The following LRMDA variants were observed in gnomAD, a reference collection of about 807,000 sequenced individuals.
LRMDA encodes the protein leucine rich melanocyte differentiation associated, also known as leucine-rich melanocyte differentiation-associated protein.
LRMDA carries 18 observed loss-of-function variants against 29.8 expected under a neutral mutation model. The observed-to-expected ratio is 0.60, with a 90% confidence interval of 0.42 to 0.90. The LOEUF is 0.90. Ranked by LOEUF, LRMDA falls within the 40% of genes least tolerant of loss-of-function variation. The probability of loss-of-function intolerance (pLI) is 0.00; values close to 1 mark genes in which losing one functional copy is unlikely to be tolerated. For missense variants in LRMDA, 273 were observed against 273.9 expected, an observed-to-expected ratio of 1.00 and a Z score of 0.02; for synonymous variants, 125 against 109.4, an observed-to-expected ratio of 1.14 and a Z score of -0.89.
chr10:75,609,238 A>G (rs552019548), intron 2 of LRMDA, among the ~76,000 whole-genome samples: 6 of 152,290 alleles, frequency 3.9e-5, no homozygotes, highest in African/African-American at 1.4e-4. Flanking sequence ...CTTGGTATGA[A>G]GCTTTGAGGC....
intron 6 of LRMDA, among the ~76,000 whole-genome samples, chr10:76,531,374 G>C (rs939970819): frequency 2.6e-5 from 4 of 152,124 alleles, no homozygotes; most frequent in Non-Finnish European, 5.9e-5. Flanking sequence ...TTTTTCTAGT[G>C]GAGGAAATGC....
At chr10:76,190,855 A>T (rs1344727375) in intron 5 of LRMDA, among the ~76,000 whole-genome samples, 2 of 152,206 alleles carry the variant, frequency 1.3e-5, no homozygotes, top group Non-Finnish European at 2.9e-5. Context: ...AGGGCCGGGT[A>T]TTCAGCAGCA....
At chr10:75,676,567 C>T (rs1841962732) in intron 2 of LRMDA, among the ~76,000 whole-genome samples, 1 of 152,134 alleles carries the variant, frequency 6.6e-6, no homozygotes, top group Non-Finnish European at 1.5e-5. Context: ...GGCAACGTTT[C>T]TTTTGGGGTT....
At chr10:75,554,580 T>A (rs534185659) in intron 2 of LRMDA, among the ~76,000 whole-genome samples, 7 of 152,296 alleles carry the variant, frequency 4.6e-5, no homozygotes, top group Admixed American at 3.3e-4. Flanking sequence ...TCTAGAATTA[T>A]GAATTACAGC....
intron 6 of LRMDA, among the ~76,000 whole-genome samples, chr10:76,330,476 T>C (rs911759943): frequency 2.0e-5 from 3 of 152,140 alleles, no homozygotes; most frequent in African/African-American, 7.2e-5. Flanking sequence ...CCCTCTGAAA[T>C]GAGAGTCTTC....
intron 2 of LRMDA, among the ~76,000 whole-genome samples, chr10:75,694,679 A>G (rs1842211672): frequency 6.6e-6 from 1 of 152,124 alleles, no homozygotes; most frequent in Non-Finnish European, 1.5e-5. Context: ...CTGCCACCTC[A>G]AATAACAATA....
At chr10:75,669,862 A>G (rs947848306) in intron 2 of LRMDA, among the ~76,000 whole-genome samples, 34 of 152,234 alleles carry the variant, frequency 2.2e-4, no homozygotes, top group African/African-American at 8.2e-4. Context: ...TAGCAATCCA[A>G]AGACTGTTCT....
At chr10:75,954,058 G>A (rs1846623573) in intron 2 of LRMDA, among the ~76,000 whole-genome samples, 1 of 152,166 alleles carries the variant, frequency 6.6e-6, no homozygotes, top group Admixed American at 6.5e-5. Context: ...AGAAGGATCG[G>A]GCAGCTCCTA....
intron 5 of LRMDA, among the ~76,000 whole-genome samples, chr10:76,180,496 G>A (rs572157546): frequency 6.2e-4 from 94 of 151,912 alleles, no homozygotes; most frequent in Admixed American, 2.4e-3. Context: ...GGCCAAGCTG[G>A]TCTCAAACTC....
intron 2 of LRMDA, among the ~76,000 whole-genome samples, chr10:76,022,947 C>A (rs994141504): frequency 6.6e-6 from 1 of 152,102 alleles, no homozygotes; most frequent in African/African-American, 2.4e-5. Context: ...TAAAATCAAA[C>A]TTTCTTCTTC....
At chr10:75,919,092 T>G (rs1845983845) in intron 2 of LRMDA, among the ~76,000 whole-genome samples, 1 of 152,218 alleles carries the variant, frequency 6.6e-6, no homozygotes, top group Admixed American at 6.5e-5. Context: ...TAATGTCTAT[T>G]TTAGACAGGA....
At chr10:76,212,002 G>A (rs532257229) in intron 5 of LRMDA, among the ~76,000 whole-genome samples, 1 of 152,266 alleles carries the variant, frequency 6.6e-6, no homozygotes, top group South Asian at 2.1e-4. Context: ...AGTCACCAAT[G>A]TGGGGGCAAA....
chr10:76,099,286 T>C (rs1478423900), intron 5 of LRMDA, among the ~76,000 whole-genome samples: 2 of 152,226 alleles, frequency 1.3e-5, no homozygotes, highest in Non-Finnish European at 2.9e-5. Flanking sequence ...TGCCCAGGAA[T>C]GAACAAGGAC....
chr10:76,337,328 A>C (rs1384676284), intron 6 of LRMDA, among the ~76,000 whole-genome samples: 1 of 152,192 alleles, frequency 6.6e-6, no homozygotes, highest in South Asian at 2.1e-4. Flanking sequence ...ACCACATGGT[A>C]TATCGGTACT....
At chr10:75,501,501 G>A (rs951528997) in intron 2 of LRMDA, among the ~76,000 whole-genome samples, 1 of 152,128 alleles carries the variant, frequency 6.6e-6, no homozygotes, top group Non-Finnish European at 1.5e-5. Flanking sequence ...CAGGTGGTGT[G>A]GGCCTGTTTA....
chr10:75,947,843 C>T lies in LRMDA; in HGVS notation c.132-88165C>T, dbSNP rs115760375. On this transcript the variant is annotated intron_variant, in intron 2 of 6. Coordinates refer to ENST00000611255, the MANE Select transcript of LRMDA (RefSeq NM_001305581.2). ...TTGCACCAATTCATAGATCTCTCCCCTTTCTGCCTGTCTCTTCTGAATCTT... is the reference window on the plus strand; with the variant it reads ...TTGCACCAATTCATAGATCTCTCCCTTTTCTGCCTGTCTCTTCTGAATCTT... 4.0e-3 allele frequency among the ~76,000 whole-genome samples: 609 copies of T among 152,270 alleles called. 5 individuals carry two copies. Among genetic ancestry groups the T allele is most frequent in the African/African-American group, 0.014 (571 of 41,546 alleles).
In LRMDA at chr10:75,890,742, T is replaced by G. The variant is rs567355427; in HGVS notation, c.132-145266T>G. 2.6e-5 allele frequency among the ~76,000 whole-genome samples: 4 copies of G among 152,262 alleles called. No homozygotes were observed. The East Asian group carries it at 7.7e-4, about 29-fold the overall frequency. ...CCATGGTATAGAGCTACTGTAGTGT[T>G]GTGTCATGTCATGTTGCACATGGCA... is the stretch of plus-strand genomic sequence containing the variant. On this transcript the variant is annotated intron_variant, in intron 2 of 6. Transcript: ENST00000611255.
chr10:76,014,450 A>G lies in LRMDA; in HGVS notation c.132-21558A>G, dbSNP rs12257440. Among the ~76,000 whole-genome samples, 861 of 152,050 alleles carry G rather than the reference A, an allele frequency of 5.7e-3. 8 individuals are homozygous for G. The highest frequency in any genetic ancestry group is 0.019 in the African/African-American group (799 of 41,444). On this transcript the variant is annotated intron_variant, in intron 2 of 6. Transcript: ENST00000611255. ...CTTCCCAAATAAATGACTTGCTCTC[A>G]CATCCTCACTTCAAGATCTGTTTCT...
chr10:75,842,089 G>T lies in LRMDA; in HGVS notation c.132-193919G>T, dbSNP rs544731799. ...ATTTTAACATTATCAATGAAAACTG[G>T]GTTTACTCTAAGTCGGGGTTGGCAA... is the stretch of plus-strand genomic sequence containing the variant. On this transcript the variant is annotated intron_variant, in intron 2 of 6. Coordinates refer to ENST00000611255, the MANE Select transcript of LRMDA (RefSeq NM_001305581.2). Among the ~76,000 whole-genome samples the T allele has an allele frequency of 5.3e-5, 8 of 152,290 alleles. No individual in the cohort carries two copies. In the South Asian group the frequency reaches 1.7e-3, roughly 32 times the overall value.
Sources: gnomAD v4.1 joint callset for allele counts (sites outside exome capture counted in the v4.1 genomes callset) on GRCh38, gnomAD v4.1.1 for gene constraint, MANE v1.5 for transcripts, NCBI Gene and HGNC (gene_info 2026-07-23, HGNC 2026-07-21) for gene names.